The following PRKG1 variants were observed in gnomAD, a reference collection of about 807,000 sequenced individuals.
The protein encoded by PRKG1 is cGMP-dependent protein kinase 1.
PRKG1 carries 35 observed loss-of-function variants against 88.1 expected under a neutral mutation model. The ratio of observed to expected loss-of-function variants is 0.40; its 90% CI spans 0.30 to 0.53. PRKG1 has a LOEUF of 0.53. PRKG1 is among the 20% of genes least tolerant of loss of function. The pLI is 0.59. For synonymous variants in PRKG1, 303 were observed against 292.5 expected (o/e 1.04, Z -0.37); for missense variants, 540 against 839.8 (o/e 0.64, Z 4.41).
chr10:52,011,052 G>GT, intron 5 of PRKG1, among the ~76,000 whole-genome samples: 1 of 152,310 alleles, frequency 6.6e-6, no homozygotes, highest in South Asian at 2.1e-4. Flanking sequence ...ATCATAGCAA[G>GT]TAAGAAGCAG....
intron 3 of PRKG1, among the ~76,000 whole-genome samples, chr10:51,638,023 A>G (rs1033385813): frequency 1.3e-5 from 2 of 152,198 alleles, no homozygotes; most frequent in African/African-American, 4.8e-5. Flanking sequence ...AGGAAACAAG[A>G]CGAGAGATCC....
intron 3 of PRKG1, among the ~76,000 whole-genome samples, chr10:51,623,997 G>A (rs143017454): frequency 8.8e-4 from 134 of 152,236 alleles, no homozygotes; most frequent in African/African-American, 2.9e-3. Context: ...GATGATTAGC[G>A]ATCCAGAAAT....
chr10:52,174,018 T>C (rs1043798381), intron 9 of PRKG1, among the ~76,000 whole-genome samples: 7 of 152,102 alleles, frequency 4.6e-5, no homozygotes, highest in African/African-American at 1.2e-4. Context: ...GCTAGTAAAA[T>C]TGGCTTCTCA....
intron 3 of PRKG1, among the ~76,000 whole-genome samples, chr10:51,561,699 T>C (rs993659683): frequency 3.3e-5 from 5 of 152,004 alleles, no homozygotes; most frequent in African/African-American, 1.2e-4. Context: ...AGAGAAAAGA[T>C]GTCCAGGGGA....
At chr10:51,997,384 T>A (rs1306541708) in intron 5 of PRKG1, among the ~76,000 whole-genome samples, 1 of 149,218 alleles carries the variant, frequency 6.7e-6, no homozygotes, top group African/African-American at 2.5e-5. Flanking sequence ...GGCACAAGAA[T>A]CATTTGAACC....
intron 2 of PRKG1, among the ~76,000 whole-genome samples, chr10:51,259,042 T>C (rs1304868277): frequency 6.6e-6 from 1 of 152,222 alleles, no homozygotes; most frequent in East Asian, 1.9e-4. Flanking sequence ...TTTAGGGCTA[T>C]ATGGTGCCCC....
intron 8 of PRKG1, among the ~76,000 whole-genome samples, chr10:52,150,181 A>AT (rs771796766): frequency 0.037 from 5,523 of 148,906 alleles, 125 homozygotes; most frequent in Middle Eastern, 0.061. Context: ...AATAATAATA[A>AT]TAATTTGATT....
chr10:51,007,161 G>A (rs1389242062), intron 1 of PRKG1, among the ~76,000 whole-genome samples: 2 of 151,866 alleles, frequency 1.3e-5, no homozygotes, highest in Admixed American at 6.6e-5. Flanking sequence ...TGGCCAGGCT[G>A]GTCTTGAACT....
intron 1 of PRKG1, chr10:51,068,561 A>G (rs994079883): frequency 1.3e-5 from 2 of 152,062 alleles, no homozygotes; most frequent in African/African-American, 4.8e-5. Context: ...ACCTGTAAGA[A>G]GAAAATGGCC....
chr10:51,057,018 G>A (rs2666545), intron 1 of PRKG1, among the ~76,000 whole-genome samples: 132,060 of 152,262 alleles, frequency 0.87, 57,397 homozygotes, highest in African/African-American at 0.92. Flanking sequence ...TCTTGAATGT[G>A]TATACATGAA....
chr10:51,314,184 C>A (rs763330770), intron 2 of PRKG1, among the ~76,000 whole-genome samples: 53 of 152,288 alleles, frequency 3.5e-4, no homozygotes, highest in Admixed American at 9.2e-4. Context: ...CACACAGCAA[C>A]GTCATGGTAC....
rs138567906 is a variant in PRKG1 at position 51,435,640 on chromosome 10, C to T, written c.479-32083C>T. ...AAGTACACTGGAAACTATATTTATGCTTACTTACTCCATTCATTTATCCAT... is the reference window on the plus strand; with the variant it reads ...AAGTACACTGGAAACTATATTTATGTTTACTTACTCCATTCATTTATCCAT... On this transcript the variant is annotated intron_variant, in intron 2 of 17. Transcript: ENST00000373980. Among the ~76,000 whole-genome samples the T allele has an allele frequency of 2.0e-3, 302 of 152,018 alleles. 3 individuals carry two copies. Among genetic ancestry groups the T allele is most frequent in the Admixed American group, 5.9e-3 (90 of 15,236 alleles).
At chr10:52,109,696 A>G (rs1847509562) in intron 7 of PRKG1, among the ~76,000 whole-genome samples, 2 of 143,648 alleles carry the variant, frequency 1.4e-5, no homozygotes, top group South Asian at 5.3e-4. Context: ...GAACTCAGTG[A>G]TGTCGGCAGT....
intron 1 of PRKG1, among the ~76,000 whole-genome samples, chr10:51,035,297 A>G (rs1843339139): frequency 6.6e-6 from 1 of 152,224 alleles, no homozygotes. Flanking sequence ...TTCATTATCC[A>G]CGTTGTAACT....
intron 2 of PRKG1, among the ~76,000 whole-genome samples, chr10:51,316,101 T>C (rs1161667277): frequency 1.3e-5 from 2 of 152,220 alleles, no homozygotes; most frequent in Non-Finnish European, 2.9e-5. Context: ...ATAACCATTC[T>C]GTTTTCAACA....
chr10:51,997,937 G>A (rs1844493614), intron 5 of PRKG1, among the ~76,000 whole-genome samples: 1 of 151,902 alleles, frequency 6.6e-6, no homozygotes, highest in African/African-American at 2.4e-5. Context: ...ACGTTGAATA[G>A]AGGTGGTGAT....
intron 3 of PRKG1, among the ~76,000 whole-genome samples, chr10:51,614,493 A>G (rs1424068429): frequency 6.6e-6 from 1 of 151,686 alleles, no homozygotes; most frequent in Admixed American, 6.6e-5. Flanking sequence ...CCGCCAGTCT[A>G]TACTTTTTAA....
chr10:51,670,397 T>C (rs1012995716), intron 3 of PRKG1, among the ~76,000 whole-genome samples: 4 of 151,576 alleles, frequency 2.6e-5, no homozygotes, highest in South Asian at 2.1e-4. Context: ...ATTATTTTTC[T>C]TTATTTTTTT....
intron 1 of PRKG1, among the ~76,000 whole-genome samples, chr10:51,116,478 C>G (rs1324847275): frequency 6.6e-6 from 1 of 152,108 alleles, no homozygotes; most frequent in Admixed American, 6.5e-5. Context: ...TTGGGATGAA[C>G]AGTATTCATG....
Sources: gnomAD v4.1 joint callset for allele counts (sites outside exome capture counted in the v4.1 genomes callset) on GRCh38, gnomAD v4.1.1 for gene constraint, MANE v1.5 for transcripts, NCBI Gene and HGNC (gene_info 2026-07-23, HGNC 2026-07-21) for gene names.